MRPS11: variants seen among roughly 807,000 people sequenced by gnomAD.
MRPS11 encodes the protein small ribosomal subunit protein uS11m.
Under a neutral mutation model 24.3 loss-of-function variants are expected in MRPS11, and 27 were observed. The ratio of observed to expected loss-of-function variants is 1.11; its 90% CI spans 0.82 to 1.53. The LOEUF (loss-of-function observed/expected upper bound fraction) is 1.53. Among genes scored for constraint, MRPS11 ranks in the 40% most tolerant of loss-of-function variants. The pLI is 0.00. For missense variants in MRPS11, 277 were observed against 256.5 expected, an observed-to-expected ratio of 1.08 and a Z score of -0.55; for synonymous variants, 104 against 98.7, an observed-to-expected ratio of 1.05 and a Z score of -0.32.
intron 1 of MRPS11, 51 bp from the exon 2 acceptor site, chr15:88,467,857 C>A (rs751229496): frequency 1.2e-6 from 2 of 1,612,616 alleles, no homozygotes; most frequent in South Asian, 2.2e-5. Flanking sequence ...TTGAGCCACC[C>A]GGGCCCCAGT....
rs1183855612 is a variant in MRPS11 at position 88,480,217 on chromosome 15, GT to G, written c.*2243del. On this transcript the variant is annotated 3_prime_UTR_variant, in exon 6 of 6. Transcript: ENST00000325844. The surrounding 1 kb of genome is among the most constrained non-coding windows in gnomAD (Gnocchi z 5.1). Reference sequence around the variant, plus strand: ...TCTGTAAGTCCTCCATACACCATAGGTTTTTATTTTGGTTTTGGTTTTTGAG... The same window carrying G: ...TCTGTAAGTCCTCCATACACCATAGGTTTTATTTTGGTTTTGGTTTTTGAG... The G allele has an allele frequency of 6.6e-6, 1 of 152,172 alleles. No homozygotes were observed. The highest frequency in any genetic ancestry group is 1.5e-5 in the Non-Finnish European group (1 of 68,058). 9.4% of individuals were successfully genotyped at this position (152,172 alleles called of 1,614,324 possible).
intron 2 of MRPS11, 190 bp downstream of exon 2, chr15:88,468,214 G>A (rs1218630916): frequency 1.4e-6 from 2 of 1,431,872 alleles, no homozygotes; most frequent in East Asian, 2.6e-5. Context: ...GTGAGAATCA[G>A]ATGAGCCGTG....
At chr15:88,472,401 G>T in intron 2 of MRPS11, 1 of 445,876 alleles carries the variant, frequency 2.2e-6, no homozygotes, top group Non-Finnish European at 4.1e-6. Context: ...TCTCATAGCG[G>T]AAAGTCCCCA....
At position 88,469,501 on chromosome 15, in the gene MRPS11, G is replaced by T. The variant is rs1017933907; in HGVS notation, c.182+1477G>T. Among the ~76,000 whole-genome samples, 2 of 152,210 alleles carry T rather than the reference G, an allele frequency of 1.3e-5. No homozygotes were observed. The highest frequency in any genetic ancestry group is 4.8e-5 in the African/African-American group (2 of 41,454). ...GTAGGAGTATAACGGTTGGAAAGGG[G>T]AAGTGGGGGTCAAGCAGGCCTGCAT... On this transcript the variant is annotated intron_variant, in intron 2 of 5. Transcript: ENST00000325844. This position sits in a 1 kb window ranked among gnomAD's most constrained non-coding sequence, Gnocchi z 4.4.
chr15:88,472,300 T>C (rs2055726003), intron 2 of MRPS11: 2 of 206,788 alleles, frequency 9.7e-6, no homozygotes, highest in Non-Finnish European at 2.0e-5. Flanking sequence ...TTTTAAATTG[T>C]GGGAAGAGGA....
chr15:88,474,599 T>C (rs1376812990), intron 3 of MRPS11, among the ~76,000 whole-genome samples: 2 of 152,120 alleles, frequency 1.3e-5, no homozygotes, highest in African/African-American at 4.8e-5. Context: ...ATTGCTAATA[T>C]TTTTTTAAGA....
At chr15:88,468,588 C>T in intron 2 of MRPS11, 1 of 850,150 alleles carries the variant, frequency 1.2e-6, no homozygotes. Flanking sequence ...AATACAGATA[C>T]AAAAGATCAT....
At position 88,478,019 on chromosome 15, in the gene MRPS11, A is replaced by T; in HGVS notation, c.*40A>T. The stretch of plus-strand genomic sequence containing the variant: ...GCACTTGGACCTGACCTCAAGCCTC[A>T]GCTCCAGTGGGACCTTGTAAAATGC... On this transcript the variant is annotated 3_prime_UTR_variant, in exon 6 of 6. Coordinates refer to ENST00000325844, the MANE Select transcript of MRPS11 (RefSeq NM_022839.5). The surrounding 1 kb of genome is among the most constrained non-coding windows in gnomAD (Gnocchi z 4.7). 1 of 1,513,698 alleles carries T rather than the reference A, an allele frequency of 6.6e-7. No homozygotes were observed. The highest frequency in any genetic ancestry group is 1.1e-5 in the South Asian group (1 of 89,026). The allele number at this position is 1,513,698 out of a possible 1,614,324, so 93.8% of individuals were successfully genotyped here. A position where few individuals can be genotyped will look rare whatever the true frequency, so the allele number is the denominator to read the frequency against.
Position 88,477,914 on chromosome 15 carries a change from T to TCAATCACAGACAACACCC in MRPS11, c.526_543dup (p.Thr176_Ile181dup). ...GATCATGGGCGGCCTGGAAGTGATC[T>TCAATCACAGACAACACCC]CAATCACAGACAACACCCCAATCCC... is the stretch of plus-strand genomic sequence containing the variant. On this transcript the variant is annotated inframe_insertion, in exon 6 of 6. Coordinates refer to ENST00000325844, the MANE Select transcript of MRPS11 (RefSeq NM_022839.5). The surrounding 1 kb of genome is among the most constrained non-coding windows in gnomAD (Gnocchi z 5.7). 6.2e-7 allele frequency: 1 copy of TCAATCACAGACAACACCC among 1,614,170 alleles called. No homozygotes were observed. The highest frequency in any genetic ancestry group is 8.5e-7 in the Non-Finnish European group (1 of 1,180,032).
In MRPS11 at chr15:88,480,054, C is replaced by G. The variant is rs1274161656; in HGVS notation, c.*2075C>G. On this transcript the variant is annotated 3_prime_UTR_variant, in exon 6 of 6. Coordinates refer to ENST00000325844, the MANE Select transcript of MRPS11 (RefSeq NM_022839.5). This position sits in a 1 kb window ranked among gnomAD's most constrained non-coding sequence, Gnocchi z 5.1. Reference sequence around the variant, plus strand: ...CCGGCCTGTAGTCCCTTGCTGGGGTCCCCCTTGGCTGATCCCAAAAGGAAG... The same window carrying G: ...CCGGCCTGTAGTCCCTTGCTGGGGTGCCCCTTGGCTGATCCCAAAAGGAAG... 6.6e-6 allele frequency: 1 copy of G among 152,204 alleles called. No homozygotes were observed. Among genetic ancestry groups the G allele is most frequent in the African/African-American group, 2.4e-5 (1 of 41,424 alleles). The allele number at this position is 152,204 out of a possible 1,614,324, so 9.4% of individuals were successfully genotyped here. A position where few individuals can be genotyped will look rare whatever the true frequency, so the allele number is the denominator to read the frequency against.
At chr15:88,468,175 T>A in intron 2 of MRPS11, 151 bp downstream of exon 2, 2 of 1,450,868 alleles carry the variant, frequency 1.4e-6, no homozygotes, top group Non-Finnish European at 1.8e-6. Context: ...CCTTCTCATC[T>A]AAAAATGCGG....
rs1413805513 is a variant in MRPS11 at position 88,468,065 on chromosome 15, C to T, written c.182+41C>T. The T allele has an allele frequency of 4.5e-6, 7 of 1,566,380 alleles. No homozygotes were observed. The Admixed American group carries it at 9.1e-5, about 20-fold the overall frequency. The stretch of plus-strand genomic sequence containing the variant: ...ACCAGCCCTCTGGAGACCCGCAACC[C>T]CTGACTCTTGCCCGACACCCTCCAG... On this transcript the variant is annotated intron_variant, in intron 2 of 5. Transcript: ENST00000325844.
chr15:88,477,823 C>T lies in MRPS11; in HGVS notation c.478-49C>T, dbSNP rs747564212. On this transcript the variant is annotated intron_variant, in intron 5 of 5. Transcript: ENST00000325844. The surrounding 1 kb of genome is among the most constrained non-coding windows in gnomAD (Gnocchi z 5.7). ...CGAACCCTGCCTGGAGACACTGGAT[C>T]ATCATTTCTGGGACCATGTCATTCT... The T allele has an allele frequency of 1.3e-6, 2 of 1,547,520 alleles. No homozygotes were observed. Among genetic ancestry groups the T allele is most frequent in the African/African-American group, 1.4e-5 (1 of 73,542 alleles).
intron 4 of MRPS11, among the ~76,000 whole-genome samples, chr15:88,476,040 G>A (rs2055816230): frequency 6.6e-6 from 1 of 152,166 alleles, no homozygotes; most frequent in Non-Finnish European, 1.5e-5. Context: ...GTATCGTGGG[G>A]ACTCATGCAA....
intron 3 of MRPS11, among the ~76,000 whole-genome samples, chr15:88,474,201 GA>G (rs1164395255): frequency 1.5e-5 from 2 of 134,214 alleles, no homozygotes; most frequent in African/African-American, 8.1e-5. Context: ...AAGAAAAAAA[GA>G]GAAAAGTTTT....
Position 88,476,970 on chromosome 15 carries a change from C to A in MRPS11, c.412-19C>A. ...AGTAGTTCTCTCTCCGGGGCACTAA[C>A]CACTCTGCTTCTCTCCAGAGAGCTA... On this transcript the variant is annotated intron_variant, in intron 4 of 5. Transcript: ENST00000325844. 6.2e-7 allele frequency: 1 copy of A among 1,609,136 alleles called. No homozygotes were observed. The highest frequency in any genetic ancestry group is 8.5e-7 in the Non-Finnish European group (1 of 1,179,354).
rs2055835270 is a variant in MRPS11 at position 88,476,983 on chromosome 15, C to T, written c.412-6C>T. ...CCGGGGCACTAACCACTCTGCTTCT[C>T]TCCAGAGAGCTAAACAAAAGGGCGT... On this transcript the variant is annotated splice_region_variant and splice_polypyrimidine_tract_variant and intron_variant, in intron 4 of 5. Transcript: ENST00000325844. 6.2e-7 allele frequency: 1 copy of T among 1,613,552 alleles called. No individual in the cohort carries two copies. The highest frequency in any genetic ancestry group is 8.5e-7 in the Non-Finnish European group (1 of 1,179,856).
At chr15:88,472,351 G>A in intron 2 of MRPS11, 1 of 340,974 alleles carries the variant, frequency 2.9e-6, no homozygotes, top group Admixed American at 4.4e-5. Context: ...GGGTATACCT[G>A]CAGGGACAAG....
rs1567046815 is a variant in MRPS11 at position 88,477,051 on chromosome 15, C to T, written c.474C>T (p.Arg158=). The T allele has an allele frequency of 6.2e-7, 1 of 1,613,874 alleles. No individual in the cohort carries two copies. Among genetic ancestry groups the T allele is most frequent in the Non-Finnish European group, 8.5e-7 (1 of 1,179,944 alleles). Residue 158 remains arginine, a synonymous_variant, in exon 5 of 6, where the codon CGC becomes CGT. Coordinates refer to ENST00000325844, the MANE Select transcript of MRPS11 (RefSeq NM_022839.5). This position sits in a 1 kb window ranked among gnomAD's most constrained non-coding sequence, Gnocchi z 5.7. Reference sequence around the variant, plus strand: ...TGGTGAAAGGCCTGGGGCCAGGACGCTTGGTAAGTTACAGTGATTTCCATA... The same window carrying T: ...TGGTGAAAGGCCTGGGGCCAGGACGTTTGGTAAGTTACAGTGATTTCCATA... ...RVVVKGLGPG[R]LSAMHGLIMG... is the part of the protein sequence containing the mutation.
Sources: allele counts gnomAD v4.1 joint callset (sites outside exome capture counted in the v4.1 genomes callset), GRCh38; gene constraint gnomAD v4.1.1; non-coding constraint Gnocchi (gnomAD v3.1); transcripts MANE v1.5; gene names NCBI Gene and HGNC (gene_info 2026-07-23, HGNC 2026-07-21).